The following TMTC2 variants were observed in gnomAD, a reference collection of about 807,000 sequenced individuals.
TMTC2 encodes transmembrane O-mannosyltransferase targeting cadherins 2.
Under a neutral mutation model 82.4 loss-of-function variants are expected in TMTC2, and 43 were observed. The ratio of observed to expected loss-of-function variants is 0.52; its 90% CI spans 0.41 to 0.67. TMTC2 has a LOEUF of 0.67. Ranked by LOEUF, TMTC2 falls within the 30% of genes least tolerant of loss-of-function variation. The pLI is 0.00. For missense variants in TMTC2, 919 were observed against 1,012.4 expected (o/e 0.91, Z 1.25); for synonymous variants, 408 against 381.9 (o/e 1.07, Z -0.80).
intron 11 of TMTC2, among the ~76,000 whole-genome samples, chr12:83,118,699 G>T (rs1330629202): frequency 1.3e-5 from 2 of 152,108 alleles, no homozygotes; most frequent in Admixed American, 1.3e-4. Context: ...ATGAATTAAG[G>T]AGGCTTCGCT....
chr12:82,698,864 C>T (rs1049822204), intron 1 of TMTC2, among the ~76,000 whole-genome samples: 19 of 152,040 alleles, frequency 1.2e-4, no homozygotes, highest in African/African-American at 2.4e-4. Context: ...GATGAATGAG[C>T]GGGTAGTGTA....
At chr12:82,916,814 C>T (rs1435218481) in intron 3 of TMTC2, among the ~76,000 whole-genome samples, 1 of 151,994 alleles carries the variant, frequency 6.6e-6, no homozygotes, top group Non-Finnish European at 1.5e-5. Context: ...TCTGAAATAA[C>T]TACAGATAGG....
chr12:82,811,964 C>T (rs1592541560), intron 1 of TMTC2, among the ~76,000 whole-genome samples: 1 of 151,730 alleles, frequency 6.6e-6, no homozygotes, highest in East Asian at 1.9e-4. Flanking sequence ...ATTATAGGCA[C>T]CTGTCACCAC....
chr12:82,937,729 GA>G (rs1876398727), intron 4 of TMTC2, among the ~76,000 whole-genome samples: 4 of 12,598 alleles, frequency 3.2e-4, no homozygotes, highest in East Asian at 0.011. Context: ...TGTGTGTGTG[GA>G]TGTGTGTGTG....
At chr12:82,849,286 T>C (rs1051123478) in intron 1 of TMTC2, among the ~76,000 whole-genome samples, 5 of 152,010 alleles carry the variant, frequency 3.3e-5, no homozygotes, top group Non-Finnish European at 7.4e-5. Flanking sequence ...GAAAAGACAA[T>C]TCCTTTCCAG....
chr12:83,001,252 T>G (rs1879907710), intron 8 of TMTC2, among the ~76,000 whole-genome samples: 1 of 152,192 alleles, frequency 6.6e-6, no homozygotes, highest in South Asian at 2.1e-4. Context: ...CTCGCAAATT[T>G]TCCAAACTTT....
chr12:83,127,813 C>T (rs990652856), intron 11 of TMTC2, among the ~76,000 whole-genome samples: 2 of 152,124 alleles, frequency 1.3e-5, no homozygotes, highest in African/African-American at 4.8e-5. Context: ...CCACAATATA[C>T]ATCCATTATT....
chr12:82,965,064 C>T lies in TMTC2; in HGVS notation c.1639C>T (p.Leu547=), dbSNP rs762617222. ...LQENSRFAEA[L]HYYKLAIGSR... is the part of the protein sequence containing the mutation. ...GGAGAACAGCAGGTTTGCAGAAGCA[C>T]TACATTATTATAAATTGGCCATTGG... The change falls in exon 5 of 12, where the codon CTA becomes TTA. Residue 547 remains leucine, a synonymous_variant. Transcript: ENST00000321196. 6 of 1,612,494 alleles carry T rather than the reference C, an allele frequency of 3.7e-6. No homozygotes were observed. Among genetic ancestry groups the T allele is most frequent in the East Asian group, 4.5e-5 (2 of 44,814 alleles).
At chr12:82,764,160 T>G (rs948167085) in intron 1 of TMTC2, among the ~76,000 whole-genome samples, 1 of 152,168 alleles carries the variant, frequency 6.6e-6, no homozygotes, top group East Asian at 1.9e-4. Context: ...TTTTTTGAGA[T>G]GGAGTCTCAT....
At chr12:82,782,926 G>A (rs1266598902) in intron 1 of TMTC2, among the ~76,000 whole-genome samples, 2 of 152,122 alleles carry the variant, frequency 1.3e-5, no homozygotes, top group Non-Finnish European at 2.9e-5. Flanking sequence ...AAGATATGGA[G>A]TTTATAGAGG....
intron 11 of TMTC2, among the ~76,000 whole-genome samples, chr12:83,105,889 CA>C (rs1669148145): frequency 6.6e-6 from 1 of 152,196 alleles, no homozygotes; most frequent in African/African-American, 2.4e-5. Flanking sequence ...AGGAAGTAAT[CA>C]CCATGAATGG....
intron 7 of TMTC2, among the ~76,000 whole-genome samples, chr12:82,979,411 A>G (rs1878822985): frequency 6.6e-6 from 1 of 151,732 alleles, no homozygotes; most frequent in South Asian, 2.1e-4. Flanking sequence ...TAAACTGATG[A>G]CAACTTATCA....
intron 2 of TMTC2, among the ~76,000 whole-genome samples, chr12:82,864,373 G>A (rs2137125456): frequency 6.6e-6 from 1 of 152,056 alleles, no homozygotes; most frequent in South Asian, 2.1e-4. Context: ...GGTGAGGGGA[G>A]GGGGGAACTA....
intron 1 of TMTC2, among the ~76,000 whole-genome samples, chr12:82,811,908 C>T (rs948248641): frequency 1.3e-5 from 2 of 148,596 alleles, no homozygotes; most frequent in Non-Finnish European, 3.0e-5. Context: ...ACCTCACCTC[C>T]TGGGTTCAAG....
intron 10 of TMTC2, among the ~76,000 whole-genome samples, chr12:83,057,451 G>A (rs17010567): frequency 0.059 from 8,950 of 151,912 alleles, 313 homozygotes; most frequent in East Asian, 0.08. Context: ...ATTTATTGTA[G>A]AAGTTTCATT....
At chr12:82,959,449 C>G (rs1426794813) in intron 4 of TMTC2, among the ~76,000 whole-genome samples, 2 of 152,206 alleles carry the variant, frequency 1.3e-5, no homozygotes, top group African/African-American at 4.8e-5. Flanking sequence ...ATAACCAAAA[C>G]AGCATGGTAC....
rs115099339 is a variant in TMTC2 at position 83,065,828 on chromosome 12, T to G, written c.2331+3997T>G. ...AAATTCTGCATTAACTTATGGATTT[T>G]TAAAAAATGGTTAATGTGAAGAATG... On this transcript the variant is annotated intron_variant, in intron 11 of 11. Coordinates refer to ENST00000321196, the MANE Select transcript of TMTC2 (RefSeq NM_152588.3). 2.7e-3 allele frequency among the ~76,000 whole-genome samples: 406 copies of G among 152,094 alleles called. 2 individuals carry two copies. Among genetic ancestry groups the G allele is most frequent in the African/African-American group, 9.5e-3 (394 of 41,536 alleles).
intron 1 of TMTC2, among the ~76,000 whole-genome samples, chr12:82,755,015 T>G (rs1163956114): frequency 6.6e-6 from 1 of 152,246 alleles, no homozygotes; most frequent in African/African-American, 2.4e-5. Flanking sequence ...CAATCAAAGC[T>G]TCCTTGAAAT....
chr12:82,918,709 T>C (rs561456004), intron 3 of TMTC2, among the ~76,000 whole-genome samples: 30 of 107,906 alleles, frequency 2.8e-4, no homozygotes, highest in African/African-American at 1.1e-3. Context: ...ATCTTTTTTC[T>C]TTTCTTCTCT....
Sources: gnomAD v4.1 joint callset for allele counts (sites outside exome capture counted in the v4.1 genomes callset) on GRCh38, gnomAD v4.1.1 for gene constraint, MANE v1.5 for transcripts, NCBI Gene and HGNC (gene_info 2026-07-23, HGNC 2026-07-21) for gene names.